RAP1GDS1: variants seen among roughly 807,000 people sequenced by gnomAD.
The protein encoded by RAP1GDS1 is RAP1, GTP-GDP dissociation stimulator 1.
A neutral mutation model predicts 71.1 loss-of-function variants in RAP1GDS1; 35 were observed. That is an observed-to-expected ratio of 0.49 (90% CI 0.38 to 0.65). The LOEUF (loss-of-function observed/expected upper bound fraction) is 0.65, where lower values mean the gene tolerates loss of function less well. RAP1GDS1 is among the 30% of genes least tolerant of loss of function. The pLI, the probability that RAP1GDS1 is intolerant of heterozygous loss-of-function variation, is 0.00. For missense variants in RAP1GDS1, 663 were observed against 706.1 expected (o/e 0.94, Z 0.69); for synonymous variants, 229 against 243.1 (o/e 0.94, Z 0.54).
intron 6 of RAP1GDS1, among the ~76,000 whole-genome samples, chr4:98,395,375 A>T (rs1744371482): frequency 6.6e-6 from 1 of 152,316 alleles, no homozygotes; most frequent in Admixed American, 6.5e-5. Context: ...GTATAAAAGA[A>T]GTTTTTCTTA....
At chr4:98,400,197 G>C (rs1745171989) in intron 6 of RAP1GDS1, among the ~76,000 whole-genome samples, 1 of 151,940 alleles carries the variant, frequency 6.6e-6, no homozygotes, top group Non-Finnish European at 1.5e-5. Flanking sequence ...GTATGAGCCA[G>C]CTGTCTCCTT....
chr4:98,437,023 A>G lies in RAP1GDS1; in HGVS notation c.1651A>G (p.Ile551Val). 6.2e-7 allele frequency: 1 copy of G among 1,612,650 alleles called. No individual in the cohort carries two copies. The highest frequency in any genetic ancestry group is 8.5e-7 in the Non-Finnish European group (1 of 1,179,650). Residue 551 changes from isoleucine to valine, a missense_variant, in exon 14 of 15, where the codon ATC becomes GTC. Coordinates refer to ENST00000408927, the MANE Select transcript of RAP1GDS1 (RefSeq NM_001100427.2). ...LLADERSAPE[I>V]KYNSMVLICA... ...AGCAGATGAGAGAAGTGCTCCTGAA[A>G]TCAAATATAATTCCATGGTCCTGAT...
chr4:98,427,554 C>T (rs1387049662), intron 12 of RAP1GDS1, among the ~76,000 whole-genome samples: 8 of 152,010 alleles, frequency 5.3e-5, no homozygotes, highest in African/African-American at 1.7e-4. Flanking sequence ...AATTAGCTCT[C>T]CTATCACCAA....
At chr4:98,383,027 A>G (rs540753570) in intron 5 of RAP1GDS1, among the ~76,000 whole-genome samples, 2 of 151,836 alleles carry the variant, frequency 1.3e-5, no homozygotes, top group East Asian at 3.9e-4. Context: ...ACGTTTGAAT[A>G]GAAACAAACC....
At chr4:98,343,897 G>A (rs867529369) in intron 3 of RAP1GDS1, among the ~76,000 whole-genome samples, 1 of 152,148 alleles carries the variant, frequency 6.6e-6, no homozygotes, top group Non-Finnish European at 1.5e-5. Flanking sequence ...AATTCCTAAA[G>A]CAATGTTTAA....
chr4:98,313,068 C>CAAA (rs556945198), intron 2 of RAP1GDS1, among the ~76,000 whole-genome samples: 13 of 38,164 alleles, frequency 3.4e-4, no homozygotes, highest in Non-Finnish European at 6.3e-4. Context: ...GACTCTGTCT[C>CAAA]AAAAAAAAAA....
intron 2 of RAP1GDS1, among the ~76,000 whole-genome samples, 176 bp from the exon 3 acceptor site, chr4:98,342,958 CAAAAT>C (rs59293081): frequency 0.11 from 17,171 of 151,926 alleles, 1,028 homozygotes; most frequent in East Asian, 0.19. Flanking sequence ...GATTAAAACT[CAAAAT>C]AAAAGCAGCT....
intron 2 of RAP1GDS1, among the ~76,000 whole-genome samples, chr4:98,337,163 G>C (rs1454126535): frequency 6.6e-6 from 1 of 152,182 alleles, no homozygotes; most frequent in African/African-American, 2.4e-5. Flanking sequence ...CCAAAGTGCT[G>C]AGATTACAGG....
intron 11 of RAP1GDS1, 31 bp from the exon 12 acceptor site, chr4:98,421,224 T>G: frequency 6.4e-7 from 1 of 1,573,152 alleles, no homozygotes; most frequent in Middle Eastern, 1.7e-4. Flanking sequence ...CTGTTAGTGA[T>G]TCATTCCTTG....
chr4:98,413,645 G>A (rs1291631772), intron 7 of RAP1GDS1, among the ~76,000 whole-genome samples: 2 of 151,840 alleles, frequency 1.3e-5, no homozygotes, highest in Non-Finnish European at 2.9e-5. Context: ...TTGGTTCCAA[G>A]TCTTTGCTAT....
At position 98,292,432 on chromosome 4, in the gene RAP1GDS1, A is replaced by G. The variant is rs889017257; in HGVS notation, c.5-976A>G. On this transcript the variant is annotated intron_variant, in intron 1 of 14. Coordinates refer to ENST00000408927, the MANE Select transcript of RAP1GDS1 (RefSeq NM_001100427.2). ...TACAGGCATGAGCCACCGGGCCTGG[A>G]TGAAATTTCTAAAAATGTAAAACAA... Among the ~76,000 whole-genome samples the G allele has an allele frequency of 1.9e-4, 29 of 151,982 alleles. 1 individual carries two copies. Among genetic ancestry groups the G allele is most frequent in the Admixed American group, 8.5e-4 (13 of 15,228 alleles).
At chr4:98,298,424 A>G (rs981919555) in intron 2 of RAP1GDS1, among the ~76,000 whole-genome samples, 1 of 152,186 alleles carries the variant, frequency 6.6e-6, no homozygotes, top group Non-Finnish European at 1.5e-5. Context: ...CTCTCTTATT[A>G]GGGGCTAATG....
At chr4:98,382,320 T>A (rs1224489879) in intron 5 of RAP1GDS1, among the ~76,000 whole-genome samples, 1 of 151,508 alleles carries the variant, frequency 6.6e-6, no homozygotes, top group Admixed American at 6.6e-5. Context: ...ACACAAAACT[T>A]TAGTAAAAAT....
At chr4:98,335,560 T>A (rs538040927) in intron 2 of RAP1GDS1, among the ~76,000 whole-genome samples, 1 of 151,852 alleles carries the variant, frequency 6.6e-6, no homozygotes, top group East Asian at 1.9e-4. Flanking sequence ...GTTTTTTTTT[T>A]ATTTTACAAG....
At chr4:98,386,522 G>T (rs553347195) in intron 5 of RAP1GDS1, among the ~76,000 whole-genome samples, 1 of 149,188 alleles carries the variant, frequency 6.7e-6, no homozygotes, top group Non-Finnish European at 1.5e-5. Context: ...AGGAAGAAAT[G>T]TATAAATGTA....
At chr4:98,402,364 G>A (rs1319319582) in intron 6 of RAP1GDS1, among the ~76,000 whole-genome samples, 3 of 152,166 alleles carry the variant, frequency 2.0e-5, no homozygotes, top group Non-Finnish European at 4.4e-5. Context: ...GAGCCACCAT[G>A]CCCGGCCTCA....
At chr4:98,420,349 T>TATTC (rs1472893041) in intron 11 of RAP1GDS1, among the ~76,000 whole-genome samples, 2 of 149,944 alleles carry the variant, frequency 1.3e-5, no homozygotes, top group African/African-American at 4.9e-5. Flanking sequence ...TTTATTTATT[T>TATTC]ATTTATTTAT....
Position 98,442,325 on chromosome 4 carries a change from C to A in RAP1GDS1, c.*208C>A. On this transcript the variant is annotated 3_prime_UTR_variant, in exon 15 of 15. Transcript: ENST00000408927. The stretch of plus-strand genomic sequence containing the variant: ...TGACTTTGTCAAAGGCAAGTCTCCA[C>A]CCATAACCGTTCTCTTGTATTCCTG... 1.8e-6 allele frequency: 1 copy of A among 561,144 alleles called. No individual in the cohort carries two copies. Among genetic ancestry groups the A allele is most frequent in the Non-Finnish European group, 2.9e-6 (1 of 347,048 alleles). 34.8% of individuals were successfully genotyped at this position (561,144 alleles called of 1,614,324 possible).
At chr4:98,338,912 A>G (rs1355003528) in intron 2 of RAP1GDS1, among the ~76,000 whole-genome samples, 1 of 152,168 alleles carries the variant, frequency 6.6e-6, no homozygotes, top group African/African-American at 2.4e-5. Flanking sequence ...ATTTAACTGT[A>G]AAGGCAATTA....
Sources: gnomAD v4.1 joint callset for allele counts (sites outside exome capture counted in the v4.1 genomes callset) on GRCh38, gnomAD v4.1.1 for gene constraint, MANE v1.5 for transcripts, NCBI Gene and HGNC (gene_info 2026-07-23, HGNC 2026-07-21) for gene names.